The following GRIN2A variants were observed in gnomAD, a reference collection of about 807,000 sequenced individuals.
The protein encoded by GRIN2A is glutamate ionotropic receptor NMDA type subunit 2A.
A neutral mutation model predicts 113.4 loss-of-function variants in GRIN2A; 22 were observed. That is an observed-to-expected ratio of 0.19 (90% CI 0.14 to 0.28). GRIN2A has a LOEUF of 0.28. Ranked by LOEUF, GRIN2A falls within the 10% of genes least tolerant of loss-of-function variation. The probability of loss-of-function intolerance (pLI) is 1.00; values close to 1 mark genes in which losing one functional copy is unlikely to be tolerated. For synonymous variants in GRIN2A, 827 were observed against 738.4 expected (o/e 1.12, Z -1.94); for missense variants, 1,502 against 1,887.0 (o/e 0.80, Z 3.78).
At chr16:9,801,384 A>G (rs999557367) in intron 10 of GRIN2A, among the ~76,000 whole-genome samples, 2 of 152,238 alleles carry the variant, frequency 1.3e-5, no homozygotes, top group Non-Finnish European at 2.9e-5. Context: ...ACACATGGGC[A>G]CATTCAAACA....
intron 10 of GRIN2A, among the ~76,000 whole-genome samples, chr16:9,809,863 T>G (rs1267201230): frequency 1.3e-5 from 2 of 151,882 alleles, no homozygotes; most frequent in Non-Finnish European, 2.9e-5. Flanking sequence ...AGGTCGGGAG[T>G]TCGAGACCAG....
intron 2 of GRIN2A, among the ~76,000 whole-genome samples, chr16:9,991,704 G>T (rs1477185617): frequency 2.0e-5 from 3 of 152,116 alleles, no homozygotes; most frequent in Non-Finnish European, 4.4e-5. Context: ...TATACACCAT[G>T]GAATACTATG....
At chr16:10,055,020 C>T (rs1340029877) in intron 2 of GRIN2A, among the ~76,000 whole-genome samples, 1 of 114,168 alleles carries the variant, frequency 8.8e-6, no homozygotes, top group Non-Finnish European at 1.7e-5. Context: ...TGCACTCCAG[C>T]CCAGGCAACA....
chr16:9,969,006 A>G (rs1056510795), intron 2 of GRIN2A, among the ~76,000 whole-genome samples: 2 of 152,204 alleles, frequency 1.3e-5, no homozygotes, highest in African/African-American at 4.8e-5. Flanking sequence ...TGTGCAATCA[A>G]TATAAAAATT....
intron 2 of GRIN2A, among the ~76,000 whole-genome samples, chr16:10,014,401 T>C (rs2046564760): frequency 6.6e-6 from 1 of 152,210 alleles, no homozygotes; most frequent in Non-Finnish European, 1.5e-5. Flanking sequence ...TATGTTCTTT[T>C]CTCCTGGCCT....
At chr16:10,011,268 G>A (rs908283061) in intron 2 of GRIN2A, among the ~76,000 whole-genome samples, 2 of 152,184 alleles carry the variant, frequency 1.3e-5, no homozygotes, top group East Asian at 3.8e-4. Context: ...AAGAATTCTA[G>A]ATTTGGAGAT....
chr16:10,038,124 T>C (rs185732642), intron 2 of GRIN2A, among the ~76,000 whole-genome samples: 1 of 152,180 alleles, frequency 6.6e-6, no homozygotes, highest in African/African-American at 2.4e-5. Flanking sequence ...AAGTCCAAGA[T>C]CAAGGTGCCA....
At chr16:9,959,690 T>C (rs1051792395) in intron 2 of GRIN2A, among the ~76,000 whole-genome samples, 1 of 152,316 alleles carries the variant, frequency 6.6e-6, no homozygotes, top group South Asian at 2.1e-4. Flanking sequence ...ATTAAAAACA[T>C]TGGCCAGGCA....
intron 2 of GRIN2A, among the ~76,000 whole-genome samples, chr16:10,038,863 A>C (rs28610230): frequency 0.21 from 31,801 of 150,172 alleles, 4,064 homozygotes; most frequent in East Asian, 0.51. Flanking sequence ...AAAAACAAAA[A>C]ACAAAACAAA....
intron 2 of GRIN2A, among the ~76,000 whole-genome samples, chr16:10,036,659 G>C (rs1167198405): frequency 6.6e-6 from 1 of 151,264 alleles, no homozygotes; most frequent in African/African-American, 2.4e-5. Flanking sequence ...TGTTAGCCAG[G>C]ATGGTCTCCA....
intron 3 of GRIN2A, among the ~76,000 whole-genome samples, chr16:9,896,467 C>A (rs567811874): frequency 6.6e-6 from 1 of 152,292 alleles, no homozygotes; most frequent in Admixed American, 6.5e-5. Flanking sequence ...GTTCCCTTTT[C>A]TTCCATTTGG....
intron 2 of GRIN2A, among the ~76,000 whole-genome samples, chr16:10,119,099 C>T (rs2048782025): frequency 6.6e-6 from 1 of 152,156 alleles, no homozygotes; most frequent in Admixed American, 6.5e-5. Context: ...AGGAAGCAAA[C>T]TTCTACTATG....
intron 2 of GRIN2A, among the ~76,000 whole-genome samples, chr16:10,134,930 A>G (rs200827799): frequency 9.5e-5 from 5 of 52,452 alleles, no homozygotes; most frequent in Admixed American, 5.7e-4. Context: ...TATCTTTCCA[A>G]CGAACTAGCA....
intron 4 of GRIN2A, among the ~76,000 whole-genome samples, chr16:9,870,606 G>A (rs2043241217): frequency 1.3e-5 from 2 of 148,664 alleles, no homozygotes; most frequent in African/African-American, 5.0e-5. Flanking sequence ...GTAAACTGAT[G>A]TTCCTTCAAG....
chr16:9,897,213 A>T (rs906286021), intron 3 of GRIN2A, among the ~76,000 whole-genome samples: 7 of 134,588 alleles, frequency 5.2e-5, no homozygotes, highest in African/African-American at 2.2e-4. Flanking sequence ...TACATATTTT[A>T]TATATATAAA....
At position 9,876,489 on chromosome 16, in the gene GRIN2A, A is replaced by G. The variant is rs554012258; in HGVS notation, c.1122+14497T>C. Reference sequence around the variant, plus strand: ...CTCAGGGCCTTTGCAGCCTCCATACACTAGCGTTGGCCTCCTGGACCCACC... The same window carrying G: ...CTCAGGGCCTTTGCAGCCTCCATACGCTAGCGTTGGCCTCCTGGACCCACC... On this transcript the variant is annotated intron_variant, in intron 4 of 12. Coordinates refer to ENST00000330684, the MANE Select transcript of GRIN2A (RefSeq NM_001134407.3). 5.3e-5 allele frequency among the ~76,000 whole-genome samples: 8 copies of G among 152,024 alleles called. No homozygotes were observed. In the East Asian group the frequency reaches 1.6e-3, roughly 29 times the overall value.
chr16:9,976,407 T>C (rs770291207), intron 2 of GRIN2A, among the ~76,000 whole-genome samples: 4 of 152,220 alleles, frequency 2.6e-5, no homozygotes, highest in Non-Finnish European at 4.4e-5. Flanking sequence ...TGGTCTCCTG[T>C]AACCAAACAA....
At chr16:9,947,429 A>G (rs1022393445) in intron 2 of GRIN2A, among the ~76,000 whole-genome samples, 6 of 152,250 alleles carry the variant, frequency 3.9e-5, no homozygotes, top group African/African-American at 1.2e-4. Context: ...GTCTCCGGCT[A>G]TCATACATAG....
intron 2 of GRIN2A, among the ~76,000 whole-genome samples, chr16:10,049,617 G>C (rs747345035): frequency 3.9e-5 from 6 of 152,156 alleles, no homozygotes; most frequent in Non-Finnish European, 8.8e-5. Flanking sequence ...GACATCAGGT[G>C]ATCCACCCGC....
Sources: gnomAD v4.1 joint callset for allele counts (sites outside exome capture counted in the v4.1 genomes callset) on GRCh38, gnomAD v4.1.1 for gene constraint, MANE v1.5 for transcripts, NCBI Gene and HGNC (gene_info 2026-07-23, HGNC 2026-07-21) for gene names.